The following FRMPD4 variants were observed in gnomAD, a reference collection of about 807,000 sequenced individuals.
FRMPD4 encodes the protein FERM and PDZ domain-containing protein 4.
In FRMPD4, 22 loss-of-function variants were observed where a neutral mutation model predicts 94.1. That is an observed-to-expected ratio of 0.23 (90% CI 0.17 to 0.33). The LOEUF (loss-of-function observed/expected upper bound fraction) is 0.33. FRMPD4 is among the 10% of genes least tolerant of loss of function. The pLI, the probability that FRMPD4 is intolerant of heterozygous loss-of-function variation, is 1.00. For synonymous variants in FRMPD4, 631 were observed against 548.6 expected (o/e 1.15, Z -2.10); for missense variants, 1,111 against 1,339.9 (o/e 0.83, Z 2.67).
chrX:12,718,573 T>C lies in FRMPD4; in HGVS notation c.3747T>C (p.Pro1249=), dbSNP rs779404542. The C allele has an allele frequency of 3.3e-6, 4 of 1,209,611 alleles. No homozygotes were observed. Among genetic ancestry groups the C allele is most frequent in the Non-Finnish European group, 3.4e-6 (3 of 893,354 alleles). ...CCTCCCTGGGGAAGCACTTGATTCCTGACGCTTCTGGGAAAGGCGTGAATT... is the reference window on the plus strand; with the variant it reads ...CCTCCCTGGGGAAGCACTTGATTCCCGACGCTTCTGGGAAAGGCGTGAATT... The part of the protein sequence containing the change: ...LCPSLGKHLI[P]DASGKGVNYI... The change falls in exon 16 of 17, where the codon CCT becomes CCC. Residue 1249 remains proline (P), a synonymous_variant. Transcript: ENST00000675598.
At chrX:11,908,363 C>T (rs1027467981) in intron 3 of FRMPD4, among the ~76,000 whole-genome samples, 1 of 111,875 alleles carries the variant, frequency 8.9e-6, no homozygotes, top group East Asian at 2.8e-4. Flanking sequence ...TCTAGCCCCT[C>T]TATGGATCTC....
chrX:12,433,155 T>C (rs2057027627), intron 1 of FRMPD4, among the ~76,000 whole-genome samples: 1 of 112,374 alleles, frequency 8.9e-6, no homozygotes, highest in African/African-American at 3.2e-5. Context: ...AGAAGTGGTT[T>C]ATTATCTTGG....
intron 3 of FRMPD4, among the ~76,000 whole-genome samples, chrX:11,962,672 G>A (rs779294068): frequency 9.0e-6 from 1 of 111,398 alleles, no homozygotes; most frequent in Admixed American, 9.5e-5. Flanking sequence ...AAGCAAAACT[G>A]GAAGGAGTAA....
chrX:12,379,581 A>C (rs2056290421), intron 1 of FRMPD4, among the ~76,000 whole-genome samples: 1 of 111,102 alleles, frequency 9.0e-6, no homozygotes, highest in Non-Finnish European at 1.9e-5. Flanking sequence ...TTGAATAGAC[A>C]CATGATAATT....
chrX:12,228,696 A>G (rs2056950439), intron 1 of FRMPD4, among the ~76,000 whole-genome samples: 1 of 112,658 alleles, frequency 8.9e-6, no homozygotes, highest in Non-Finnish European at 1.9e-5. Context: ...GTTCTTGAAC[A>G]GCCCTTATTG....
intron 1 of FRMPD4, among the ~76,000 whole-genome samples, chrX:12,176,587 CAAT>C (rs2056298017): frequency 8.9e-6 from 1 of 112,085 alleles, no homozygotes; most frequent in Non-Finnish European, 1.9e-5. Flanking sequence ...AATATGTTTG[CAAT>C]AATTTTCTCT....
chrX:12,310,977 A>G lies in FRMPD4; in HGVS notation c.41+171965A>G, dbSNP rs5979579. ...TTATAACTTCAGCTTTTATTTTACTATTTTGTAATGATGGATATTCACATG... is the reference window on the plus strand; with the variant it reads ...TTATAACTTCAGCTTTTATTTTACTGTTTTGTAATGATGGATATTCACATG... On this transcript the variant is annotated intron_variant, in intron 1 of 16. Coordinates refer to ENST00000675598, the MANE Select transcript of FRMPD4 (RefSeq NM_001368397.1). 4.6e-3 allele frequency among the ~76,000 whole-genome samples: 513 copies of G among 112,570 alleles called. 5 individuals carry two copies. Among genetic ancestry groups the G allele is most frequent in the African/African-American group, 0.016 (492 of 30,995 alleles).
chrX:12,724,255 C>G lies in FRMPD4; in HGVS notation c.*2397C>G, dbSNP rs2147192288. The G allele has an allele frequency of 9.0e-6, 1 of 111,582 alleles. No homozygotes were observed. Among genetic ancestry groups the G allele is most frequent in the East Asian group, 2.8e-4 (1 of 3,548 alleles). The allele number at this position is 111,582 out of a possible 1,213,427, so 9.2% of individuals were successfully genotyped here. ...GGAAGTAGCTCTGGGTCCTTCTAAT[C>G]AACCTCCCATTACTGCGCCAGTAAG... On this transcript the variant is annotated 3_prime_UTR_variant, in exon 17 of 17. Transcript: ENST00000675598.
intron 3 of FRMPD4, among the ~76,000 whole-genome samples, chrX:11,968,265 T>C (rs2054322074): frequency 9.0e-6 from 1 of 111,702 alleles, no homozygotes; most frequent in South Asian, 3.8e-4. Context: ...TGTGCTAATA[T>C]TGGCAACAGC....
intron 2 of FRMPD4, among the ~76,000 whole-genome samples, chrX:12,544,628 T>A (rs188429710): frequency 1.9e-4 from 21 of 111,934 alleles, no homozygotes; most frequent in African/African-American, 6.8e-4. Flanking sequence ...GGTAGACATC[T>A]AAGGTGATTC....
At chrX:12,586,918 AGAAAAT>A (rs1309380916) in intron 2 of FRMPD4, among the ~76,000 whole-genome samples, 4 of 111,983 alleles carry the variant, frequency 3.6e-5, no homozygotes, top group African/African-American at 1.3e-4. Flanking sequence ...GAGGCACTGA[AGAAAAT>A]GAGGGAGATT....
chrX:11,889,007 T>C lies in FRMPD4; in HGVS notation c.95+10989T>C, dbSNP rs146214250. On this transcript the variant is annotated intron_variant, in intron 3 of 18. Transcript: ENST00000640291. ...AATGAGATATGCCTGTACTTCTTCA[T>C]AGAACTGTTATCTAATTCTGGAATA... Among the ~76,000 whole-genome samples, 140 of 112,575 alleles carry C rather than the reference T, an allele frequency of 1.2e-3. 1 individual carries two copies. The highest frequency in any genetic ancestry group is 1.9e-3 in the Non-Finnish European group (103 of 53,288).
intron 1 of FRMPD4, among the ~76,000 whole-genome samples, chrX:12,220,117 G>A (rs1601709317): frequency 9.1e-6 from 1 of 110,028 alleles, no homozygotes; most frequent in East Asian, 2.8e-4. Context: ...TTCCAGCCTG[G>A]GCAACAAGAG....
intron 3 of FRMPD4, among the ~76,000 whole-genome samples, chrX:11,892,233 T>C: frequency 8.9e-6 from 1 of 112,407 alleles, no homozygotes. Context: ...TCTTCCTAAA[T>C]TCTTATTTTG....
At chrX:12,101,789 T>C (rs1292835496) in intron 3 of FRMPD4, among the ~76,000 whole-genome samples, 1 of 111,795 alleles carries the variant, frequency 8.9e-6, no homozygotes, top group African/African-American at 3.2e-5. Context: ...AATCACTCAT[T>C]ATTCCATTAC....
chrX:11,911,904 T>C (rs1467200420), intron 3 of FRMPD4, among the ~76,000 whole-genome samples: 1 of 111,979 alleles, frequency 8.9e-6, no homozygotes, highest in Non-Finnish European at 1.9e-5. Flanking sequence ...GAATGGAAGA[T>C]GGGCAGCCAA....
chrX:12,334,215 G>C (rs974928210), intron 1 of FRMPD4, among the ~76,000 whole-genome samples: 5 of 111,700 alleles, frequency 4.5e-5, no homozygotes, highest in African/African-American at 1.6e-4. Flanking sequence ...CTTCTTTCAG[G>C]GAAGGAACCA....
chrX:11,980,074 G>A (rs866242207), intron 3 of FRMPD4, among the ~76,000 whole-genome samples: 3 of 111,056 alleles, frequency 2.7e-5, no homozygotes, highest in Middle Eastern at 4.6e-3. Context: ...ATGCTGTCTC[G>A]TCCTCATTTT....
At chrX:12,596,890 CTGA>C (rs2059036482) in intron 2 of FRMPD4, among the ~76,000 whole-genome samples, 1 of 112,118 alleles carries the variant, frequency 8.9e-6, no homozygotes, top group Admixed American at 9.4e-5. Flanking sequence ...ACTGTTTACA[CTGA>C]TTATTATAAT....
Sources: allele counts gnomAD v4.1 joint callset (sites outside exome capture counted in the v4.1 genomes callset), GRCh38; gene constraint gnomAD v4.1.1; transcripts MANE v1.5; gene names NCBI Gene and HGNC (gene_info 2026-07-23, HGNC 2026-07-21).